The following MARCHF1 variants were observed in gnomAD, a reference collection of about 807,000 sequenced individuals.
MARCHF1 encodes E3 ubiquitin-protein ligase MARCHF1.
Under a neutral mutation model 54.2 loss-of-function variants are expected in MARCHF1, and 40 were observed. The observed-to-expected ratio is 0.74, with a 90% CI of 0.57 to 0.96. The LOEUF (loss-of-function observed/expected upper bound fraction) is 0.96, where lower values mean the gene tolerates loss of function less well. Ranked by LOEUF, MARCHF1 falls within the 40% of genes least tolerant of loss-of-function variation. The pLI is 0.00. For missense variants in MARCHF1, 586 were observed against 656.5 expected, an observed-to-expected ratio of 0.89 and a Z score of 1.17; for synonymous variants, 236 against 236.3, an observed-to-expected ratio of 1.00 and a Z score of 0.01.
intron 4 of MARCHF1, among the ~76,000 whole-genome samples, chr4:163,767,811 C>T (rs562011752): frequency 6.6e-6 from 1 of 152,106 alleles, no homozygotes; most frequent in East Asian, 1.9e-4. Context: ...TTAAAACAGC[C>T]TTTTCTTTAA....
At chr4:163,628,537 G>A (rs1461021738) in intron 5 of MARCHF1, among the ~76,000 whole-genome samples, 1 of 152,218 alleles carries the variant, frequency 6.6e-6, no homozygotes, top group East Asian at 1.9e-4. Context: ...AGTATTAGAA[G>A]CTCTGGCCAT....
At chr4:164,356,280 G>T (rs1427830797) in intron 1 of MARCHF1, among the ~76,000 whole-genome samples, 1 of 126,508 alleles carries the variant, frequency 7.9e-6, no homozygotes, top group Admixed American at 7.6e-5. Context: ...ATACCCAAAT[G>T]ACTATAAATC....
At chr4:164,085,725 G>T (rs1755179688) in intron 2 of MARCHF1, among the ~76,000 whole-genome samples, 1 of 151,768 alleles carries the variant, frequency 6.6e-6, no homozygotes, top group Non-Finnish European at 1.5e-5. Flanking sequence ...AGTCTCAAGG[G>T]CAAATATTGA....
intron 2 of MARCHF1, among the ~76,000 whole-genome samples, chr4:164,038,927 T>C (rs1251421148): frequency 6.6e-6 from 1 of 152,098 alleles, no homozygotes; most frequent in Non-Finnish European, 1.5e-5. Context: ...TAATTGATGA[T>C]GAATAATCAA....
At chr4:164,138,340 A>G (rs1185590913) in intron 1 of MARCHF1, among the ~76,000 whole-genome samples, 1 of 151,964 alleles carries the variant, frequency 6.6e-6, no homozygotes, top group Admixed American at 6.6e-5. Context: ...GGCAGTATAC[A>G]TACCACAAAA....
At chr4:163,956,768 A>C (rs1752241239) in intron 3 of MARCHF1, among the ~76,000 whole-genome samples, 1 of 152,068 alleles carries the variant, frequency 6.6e-6, no homozygotes. Context: ...AAATATCTGC[A>C]TTAGCATTTA....
chr4:163,907,187 C>T (rs1013963456), intron 3 of MARCHF1, among the ~76,000 whole-genome samples: 3 of 151,894 alleles, frequency 2.0e-5, no homozygotes, highest in Admixed American at 6.6e-5. Context: ...ATTTACATTG[C>T]CTAGTTTATA....
intron 3 of MARCHF1, among the ~76,000 whole-genome samples, chr4:163,961,133 G>A (rs564704476): frequency 8.6e-5 from 13 of 151,874 alleles, no homozygotes; most frequent in African/African-American, 3.1e-4. Flanking sequence ...TCACATTAGG[G>A]GGTTATGGAA....
chr4:164,313,108 G>T (rs1206301296), intron 1 of MARCHF1, among the ~76,000 whole-genome samples: 1 of 151,416 alleles, frequency 6.6e-6, no homozygotes, highest in Non-Finnish European at 1.5e-5. Flanking sequence ...GGAAGCCAAG[G>T]TGGGCACATT....
chr4:163,803,017 T>A (rs1748124424), intron 4 of MARCHF1, among the ~76,000 whole-genome samples: 1 of 152,188 alleles, frequency 6.6e-6, no homozygotes, highest in Non-Finnish European at 1.5e-5. Flanking sequence ...AAGAGTTTCC[T>A]CTGACTCCCT....
At chr4:163,910,291 A>C (rs912056712) in intron 3 of MARCHF1, among the ~76,000 whole-genome samples, 11 of 152,226 alleles carry the variant, frequency 7.2e-5, no homozygotes, top group African/African-American at 2.4e-4. Flanking sequence ...CATAAACAAC[A>C]ACCATTAGAC....
rs562694842 is a variant in MARCHF1, at chr4:163,902,100, G to A, written c.-38-47931C>T. On this transcript the variant is annotated intron_variant, in intron 3 of 9. Coordinates refer to ENST00000514618, the MANE Select transcript of MARCHF1 (RefSeq NM_001394959.1). ...AGTGAAAAATCTACAGGGATGGGGA[G>A]GGTAACACATATCAGAAGCACTGTT... 3.9e-5 allele frequency among the ~76,000 whole-genome samples: 6 copies of A among 152,208 alleles called. No homozygotes were observed. The South Asian group carries it at 1.2e-3, about 32-fold the overall frequency.
At chr4:163,640,491 C>CT (rs1279971765) in intron 5 of MARCHF1, among the ~76,000 whole-genome samples, 1 of 152,122 alleles carries the variant, frequency 6.6e-6, no homozygotes, top group African/African-American at 2.4e-5. Flanking sequence ...TCAGAAGAAA[C>CT]TTTTGAGGTC....
chr4:164,259,536 C>A (rs1279871888), intron 1 of MARCHF1, among the ~76,000 whole-genome samples: 3 of 110,064 alleles, frequency 2.7e-5, no homozygotes, highest in African/African-American at 1.2e-4. Flanking sequence ...CAAAGTGGGA[C>A]CGTGTCTCAA....
intron 1 of MARCHF1, among the ~76,000 whole-genome samples, chr4:164,142,964 G>A (rs972946227): frequency 2.0e-5 from 3 of 152,126 alleles, no homozygotes; most frequent in African/African-American, 7.2e-5. Context: ...AACCAAAACA[G>A]AGAAGAGCTT....
chr4:164,272,255 C>T (rs1182195105), intron 1 of MARCHF1, among the ~76,000 whole-genome samples: 1 of 151,892 alleles, frequency 6.6e-6, no homozygotes, highest in Non-Finnish European at 1.5e-5. Flanking sequence ...AGTGACTCAG[C>T]ATCTTCATTG....
intron 1 of MARCHF1, among the ~76,000 whole-genome samples, chr4:164,259,136 G>A (rs1733376749): frequency 1.3e-5 from 2 of 152,074 alleles, no homozygotes; most frequent in Non-Finnish European, 2.9e-5. Flanking sequence ...TGAATTCACT[G>A]AACCTCATTT....
chr4:164,166,181 T>C lies in MARCHF1; in HGVS notation c.-322-54519A>G, dbSNP rs566370264. On this transcript the variant is annotated intron_variant, in intron 1 of 9. Transcript: ENST00000514618. The stretch of plus-strand genomic sequence containing the variant: ...TGGGGATAGAATTCCATCAGCCTAA[T>C]CAGGATTCTTGCCTTTGAAGTGCTC... 3.4e-4 allele frequency among the ~76,000 whole-genome samples: 51 copies of C among 152,108 alleles called. 1 individual carries two copies. The highest frequency in any genetic ancestry group is 1.2e-3 in the African/African-American group (50 of 41,546).
chr4:163,604,749 T>C (rs529445036), intron 7 of MARCHF1, among the ~76,000 whole-genome samples: 9 of 152,256 alleles, frequency 5.9e-5, no homozygotes, highest in South Asian at 2.1e-4. Flanking sequence ...CTAGGCTACA[T>C]TGAAATCCTT....
Sources: allele counts gnomAD v4.1 joint callset (sites outside exome capture counted in the v4.1 genomes callset), GRCh38; gene constraint gnomAD v4.1.1; transcripts MANE v1.5; gene names NCBI Gene and HGNC (gene_info 2026-07-23, HGNC 2026-07-21).